The following C14orf39 variants were observed in gnomAD, a reference collection of about 807,000 sequenced individuals.
The protein encoded by C14orf39 is chromosome 14 open reading frame 39, also known as protein SIX6OS1.
C14orf39 carries 66 observed loss-of-function variants against 85.6 expected under a neutral mutation model. That is an observed-to-expected ratio of 0.77 (90% confidence interval 0.63 to 0.95). The LOEUF is 0.95. C14orf39 is among the 40% of genes least tolerant of loss of function. C14orf39 has a pLI of 0.00. For missense variants in C14orf39, 735 were observed against 663.9 expected, an observed-to-expected ratio of 1.11 and a Z score of -1.18; for synonymous variants, 242 against 214.0, an observed-to-expected ratio of 1.13 and a Z score of -1.14.
upstream of C14orf39, among the ~76,000 whole-genome samples, chr14:60,486,752 C>T (rs1016623834): frequency 6.6e-6 from 1 of 152,158 alleles, no homozygotes; most frequent in Non-Finnish European, 1.5e-5. Context: ...AAAACCTAAG[C>T]TGTTTCACGG....
At chr14:60,506,133 C>G (rs554004261) in intron 1 of C14orf39, among the ~76,000 whole-genome samples, 3 of 152,108 alleles carry the variant, frequency 2.0e-5, no homozygotes, top group Non-Finnish European at 4.4e-5. Flanking sequence ...CCCGGCAAGA[C>G]CCGAGCCTTT....
At chr14:60,472,520 T>C (rs61995385) in intron 5 of C14orf39, among the ~76,000 whole-genome samples, 26,548 of 152,140 alleles carry the variant, frequency 0.17, 3,027 homozygotes, top group East Asian at 0.54. Context: ...CATTTAGCAT[T>C]AGATATATCT....
chr14:60,443,648 T>C (rs1890627216), intron 16 of C14orf39, among the ~76,000 whole-genome samples: 1 of 152,228 alleles, frequency 6.6e-6, no homozygotes, highest in Non-Finnish European at 1.5e-5. Context: ...TGTCCCTGTC[T>C]GACAGCTCTG....
rs1040158377 is a variant in C14orf39, at chr14:60,458,752, G to A, written c.1118-13C>T. 2 of 1,573,170 alleles carry A rather than the reference G, an allele frequency of 1.3e-6. No homozygotes were observed. Among genetic ancestry groups the A allele is most frequent in the African/African-American group, 1.4e-5 (1 of 73,508 alleles). On this transcript the variant is annotated splice_polypyrimidine_tract_variant and intron_variant, in intron 13 of 17. Coordinates refer to ENST00000321731, the MANE Select transcript of C14orf39 (RefSeq NM_174978.3). Reference sequence around the variant, plus strand: ...CCATACTCAGCATCTGTTGTCATATGAGAACAAACTATTTTTCTTTTTGTA... The same window carrying A: ...CCATACTCAGCATCTGTTGTCATATAAGAACAAACTATTTTTCTTTTTGTA...
intron 1 of C14orf39, among the ~76,000 whole-genome samples, chr14:60,508,354 T>TG (rs1212488529): frequency 6.6e-6 from 1 of 152,192 alleles, no homozygotes; most frequent in African/African-American, 2.4e-5. Flanking sequence ...TGCTGCACTT[T>TG]GTTCAAGTCC....
chr14:60,466,883 A>C (rs750693449), intron 10 of C14orf39, 34 bp downstream of exon 10: 1 of 1,447,140 alleles, frequency 6.9e-7, no homozygotes, highest in South Asian at 1.5e-5. Context: ...TTGCAAAAAA[A>C]ATGATGTTTT....
chr14:60,487,390 T>C (rs1257910154), upstream of C14orf39, among the ~76,000 whole-genome samples: 1 of 152,146 alleles, frequency 6.6e-6, no homozygotes, highest in Admixed American at 6.5e-5. Flanking sequence ...TGTCTTTCTG[T>C]GCCTGACTTA....
At chr14:60,438,298 G>A (rs1392220423) in intron 17 of C14orf39, among the ~76,000 whole-genome samples, 1 of 151,994 alleles carries the variant, frequency 6.6e-6, no homozygotes. Flanking sequence ...AGATACTTGT[G>A]TTCTTCCCCT....
At chr14:60,511,136 G>A (rs897409621) in intron 1 of C14orf39, 1 of 1,612,886 alleles carries the variant, frequency 6.2e-7, no homozygotes. Context: ...ACGGGCGGAG[G>A]GCGACGGCAC....
chr14:60,508,144 T>C (rs757746396), intron 1 of C14orf39, among the ~76,000 whole-genome samples: 20 of 152,196 alleles, frequency 1.3e-4, no homozygotes, highest in Non-Finnish European at 2.6e-4. Context: ...ATTGTATTTT[T>C]ACTGAATTGT....
chr14:60,454,000 T>C (rs1272688), intron 16 of C14orf39, among the ~76,000 whole-genome samples: 25,674 of 151,892 alleles, frequency 0.17, 3,517 homozygotes, highest in African/African-American at 0.37. Flanking sequence ...TACATGCATT[T>C]TGCATTCATG....
intron 13 of C14orf39, among the ~76,000 whole-genome samples, chr14:60,460,110 C>T (rs909056510): frequency 1.3e-5 from 2 of 150,820 alleles, no homozygotes; most frequent in African/African-American, 4.9e-5. Context: ...ATTATTTTTA[C>T]CACATATTAA....
intron 4 of C14orf39, among the ~76,000 whole-genome samples, chr14:60,482,380 T>C (rs1157932230): frequency 3.9e-5 from 6 of 152,186 alleles, no homozygotes; most frequent in Admixed American, 3.9e-4. Flanking sequence ...ACAATTCCAG[T>C]GTTGGCAAGA....
chr14:60,443,135 C>T lies in C14orf39; in HGVS notation c.1504-1004G>A, dbSNP rs146939944. Among the ~76,000 whole-genome samples the T allele has an allele frequency of 4.6e-5, 7 of 152,214 alleles. 1 individual carries two copies. The East Asian group carries it at 1.4e-3, about 29-fold the overall frequency. On this transcript the variant is annotated intron_variant, in intron 16 of 17. Coordinates refer to ENST00000321731, the MANE Select transcript of C14orf39 (RefSeq NM_174978.3). ...AGAAGACAGGTGATCTCTGCATTTC[C>T]AACTGAGGTACCTGGTTCATCTCAA...
chr14:60,496,394 T>G, intron 2 of C14orf39: 1 of 334,366 alleles, frequency 3.0e-6, no homozygotes, highest in Non-Finnish European at 6.0e-6. Context: ...GCTTATGTTC[T>G]GGGGTGTGGG....
intron 1 of C14orf39, among the ~76,000 whole-genome samples, chr14:60,504,948 T>G (rs1222283687): frequency 1.3e-5 from 2 of 152,194 alleles, no homozygotes; most frequent in African/African-American, 2.4e-5. Context: ...TGTCCCAAAT[T>G]TAAACTTATA....
intron 17 of C14orf39, among the ~76,000 whole-genome samples, chr14:60,439,727 T>C (rs1470854567): frequency 6.6e-6 from 1 of 152,222 alleles, no homozygotes; most frequent in African/African-American, 2.4e-5. Flanking sequence ...TCTGTATGTA[T>C]TATATTTGAA....
At chr14:60,472,088 T>C (rs1403116200) in intron 5 of C14orf39, among the ~76,000 whole-genome samples, 3 of 152,040 alleles carry the variant, frequency 2.0e-5, no homozygotes, top group Non-Finnish European at 4.4e-5. Context: ...ACCTGGTTCT[T>C]CTGATCACTT....
rs1891316959 is a variant in C14orf39, at chr14:60,457,121, T to TAA, written c.1180-27_1180-26insTT. 2.1e-6 allele frequency: 3 copies of TAA among 1,453,002 alleles called. No homozygotes were observed. The South Asian group carries it at 4.1e-5, about 20-fold the overall frequency. The allele number at this position is 1,453,002 out of a possible 1,614,324, so 90.0% of individuals were successfully genotyped here. A position where few individuals can be genotyped will look rare whatever the true frequency, so the allele number is the denominator to read the frequency against. On this transcript the variant is annotated intron_variant, in intron 14 of 17. Transcript: ENST00000321731. ...CTGCAAATTCAAAGTAACAGAAAAC[T>TAA]ATAAAACAAATGCTGCTGCATTAAT...
Sources: gnomAD v4.1 joint callset for allele counts (sites outside exome capture counted in the v4.1 genomes callset) on GRCh38, gnomAD v4.1.1 for gene constraint, MANE v1.5 for transcripts, NCBI Gene and HGNC (gene_info 2026-07-23, HGNC 2026-07-21) for gene names.